Variants in CAMTA1 observed in about 807,000 individuals in gnomAD.
CAMTA1 encodes calmodulin binding transcription activator 1.
In CAMTA1, 27 loss-of-function variants were observed where a neutral mutation model predicts 170.9. The observed-to-expected ratio is 0.16, with a 90% CI of 0.12 to 0.22. CAMTA1 has a LOEUF of 0.22. CAMTA1 is among the 10% of genes least tolerant of loss of function. The pLI, the probability that CAMTA1 is intolerant of heterozygous loss-of-function variation, is 1.00. For missense variants in CAMTA1, 1,619 were observed against 2,217.2 expected (o/e 0.73, Z 5.42); for synonymous variants, 833 against 891.5 (o/e 0.93, Z 1.17).
At position 7,573,039 on chromosome 1, in the gene CAMTA1, T is replaced by G. The variant is rs74055145; in HGVS notation, c.511-67361T>G. On this transcript the variant is annotated intron_variant, in intron 6 of 22. Coordinates refer to ENST00000303635, the MANE Select transcript of CAMTA1 (RefSeq NM_015215.4). The stretch of plus-strand genomic sequence containing the variant: ...TGTTCTACCAGGAAGCAATGTCTTA[T>G]TTTAAGCCATATTTGTTTTTCTGGT... 9.1e-3 allele frequency among the ~76,000 whole-genome samples: 1,392 copies of G among 152,308 alleles called. 19 individuals carry two copies. The highest frequency in any genetic ancestry group is 0.031 in the African/African-American group (1,290 of 41,562).
rs139398568 is a variant in CAMTA1 at position 6,820,080 on chromosome 1, T to C, written c.46-101T>C. 20 of 731,272 alleles carry C rather than the reference T, an allele frequency of 2.7e-5. No homozygotes were observed. The East Asian group carries it at 5.3e-4, about 19-fold the overall frequency. 45.3% of individuals were successfully genotyped at this position (731,272 alleles called of 1,614,324 possible). A position where few individuals can be genotyped will look rare whatever the true frequency, so the allele number is the denominator to read the frequency against. ...TTTGGATTTGTCTGATGTTTCCTCA[T>C]GATTAGATTCAGGTTTTGCATCTTG... On this transcript the variant is annotated intron_variant, in intron 1 of 22. Coordinates refer to ENST00000303635, the MANE Select transcript of CAMTA1 (RefSeq NM_015215.4).
At chr1:7,058,996 G>A (rs908855627) in intron 3 of CAMTA1, among the ~76,000 whole-genome samples, 10 of 152,142 alleles carry the variant, frequency 6.6e-5, no homozygotes, top group Admixed American at 1.3e-4. Flanking sequence ...ACCTGAGTTC[G>A]TGGGCTGGCA....
At chr1:7,413,546 G>A (rs1157133620) in intron 5 of CAMTA1, among the ~76,000 whole-genome samples, 4 of 152,198 alleles carry the variant, frequency 2.6e-5, no homozygotes, top group Non-Finnish European at 4.4e-5. Flanking sequence ...TTCATGATTT[G>A]GCTCTCTGTT....
chr1:6,966,845 C>G (rs963163439), intron 3 of CAMTA1, among the ~76,000 whole-genome samples: 1 of 151,922 alleles, frequency 6.6e-6, no homozygotes, highest in Middle Eastern at 3.4e-3. Context: ...CTCCTAAGCT[C>G]AGGCAATCCA....
chr1:7,026,739 T>C (rs1212336088), intron 3 of CAMTA1, among the ~76,000 whole-genome samples: 1 of 151,652 alleles, frequency 6.6e-6, no homozygotes, highest in African/African-American at 2.4e-5. Context: ...CAAGCGATTC[T>C]TGTGCCTCAG....
At chr1:7,504,010 G>A (rs553760120) in intron 6 of CAMTA1, among the ~76,000 whole-genome samples, 2 of 152,314 alleles carry the variant, frequency 1.3e-5, no homozygotes, top group African/African-American at 4.8e-5. Context: ...GACCCCAAAG[G>A]GCAGCCAGAG....
At chr1:6,884,291 GACACACACACACACACAC>G (rs112571156) in intron 3 of CAMTA1, among the ~76,000 whole-genome samples, 14 of 136,550 alleles carry the variant, frequency 1.0e-4, no homozygotes, top group African/African-American at 3.7e-4. Context: ...ATTCTCTAGA[GACACACACACACACACAC>G]ACACACACAC....
chr1:7,036,226 G>A (rs750274309), intron 3 of CAMTA1, among the ~76,000 whole-genome samples: 3 of 152,110 alleles, frequency 2.0e-5, no homozygotes, highest in Non-Finnish European at 4.4e-5. Flanking sequence ...TGGTTGGCAC[G>A]CAGGTTTTTA....
chr1:6,823,812 G>A (rs957985384), intron 2 of CAMTA1, among the ~76,000 whole-genome samples: 5 of 152,106 alleles, frequency 3.3e-5, no homozygotes, highest in Non-Finnish European at 5.9e-5. Flanking sequence ...AGATATTGTT[G>A]TATTTCACTT....
Position 7,457,925 on chromosome 1 carries a change from G to A in CAMTA1, c.439-9905G>A, listed in dbSNP as rs927462253. 3.9e-5 allele frequency among the ~76,000 whole-genome samples: 6 copies of A among 152,166 alleles called. 1 individual carries two copies. Among genetic ancestry groups the A allele is most frequent in the Non-Finnish European group, 7.3e-5 (5 of 68,034 alleles). On this transcript the variant is annotated intron_variant, in intron 5 of 22. Transcript: ENST00000303635. ...AGCTCCGGCCGACCCAGATACCCAGGGGAGGAGTCTGTCCTGTCCCCCACG... is the reference window on the plus strand; with the variant it reads ...AGCTCCGGCCGACCCAGATACCCAGAGGAGGAGTCTGTCCTGTCCCCCACG...
rs1001456026 is a variant in CAMTA1 at position 7,138,907 on chromosome 1, A to AT, written c.302+47538dup. Among the ~76,000 whole-genome samples the AT allele has an allele frequency of 9.3e-5, 14 of 151,264 alleles. 1 individual carries two copies. Among genetic ancestry groups the AT allele is most frequent in the African/African-American group, 3.4e-4 (14 of 41,142 alleles). On this transcript the variant is annotated intron_variant, in intron 4 of 22. Coordinates refer to ENST00000303635, the MANE Select transcript of CAMTA1 (RefSeq NM_015215.4). The stretch of plus-strand genomic sequence containing the variant: ...CTACTCAGTAGGCTGAGGCAGGAGA[A>AT]TTGCTTGAACCCAGGAGGCAGAGGT...
intron 4 of CAMTA1, among the ~76,000 whole-genome samples, chr1:7,156,410 G>A (rs534059369): frequency 1.2e-4 from 19 of 152,314 alleles, no homozygotes; most frequent in African/African-American, 4.6e-4. Flanking sequence ...AGACATGTGG[G>A]ATCAGAGAGA....
At chr1:6,937,012 A>C (rs1277666180) in intron 3 of CAMTA1, among the ~76,000 whole-genome samples, 2 of 151,952 alleles carry the variant, frequency 1.3e-5, no homozygotes, top group Non-Finnish European at 2.9e-5. Context: ...AAAAACAGAG[A>C]GAGGATTCCA....
At chr1:7,644,597 A>G (rs1362642662) in intron 7 of CAMTA1, among the ~76,000 whole-genome samples, 2 of 152,164 alleles carry the variant, frequency 1.3e-5, no homozygotes, top group African/African-American at 4.8e-5. Flanking sequence ...ACATGGTCCA[A>G]AATGGCTACT....
intron 6 of CAMTA1, among the ~76,000 whole-genome samples, chr1:7,551,540 G>A (rs969405855): frequency 2.6e-5 from 4 of 152,092 alleles, no homozygotes; most frequent in African/African-American, 9.7e-5. Flanking sequence ...TGTGTCCATC[G>A]GGTCACGTCC....
At chr1:7,376,338 T>G (rs899668349) in intron 5 of CAMTA1, among the ~76,000 whole-genome samples, 1 of 152,218 alleles carries the variant, frequency 6.6e-6, no homozygotes, top group Non-Finnish European at 1.5e-5. Context: ...AGTGGAACTC[T>G]GCATTGCATT....
intron 4 of CAMTA1, among the ~76,000 whole-genome samples, chr1:7,193,119 G>A (rs995868475): frequency 6.6e-6 from 1 of 152,126 alleles, no homozygotes; most frequent in African/African-American, 2.4e-5. Context: ...GGAAGGCCAA[G>A]GCGGGAGGAT....
chr1:7,745,150 G>A (rs2096848066), intron 17 of CAMTA1, 128 bp downstream of exon 17: 1 of 835,522 alleles, frequency 1.2e-6, no homozygotes, highest in African/African-American at 1.7e-5. Flanking sequence ...GGAAGCATGA[G>A]GACAAGCTCT....
chr1:7,737,082 G>T, intron 14 of CAMTA1, 73 bp downstream of exon 14: 4 of 1,381,448 alleles, frequency 2.9e-6, no homozygotes, highest in Non-Finnish European at 4.1e-6. Flanking sequence ...GGTTCCCACC[G>T]TTGTCTCTTG....
Sources: allele counts gnomAD v4.1 joint callset (sites outside exome capture counted in the v4.1 genomes callset), GRCh38; gene constraint gnomAD v4.1.1; transcripts MANE v1.5; gene names NCBI Gene and HGNC (gene_info 2026-07-23, HGNC 2026-07-21).